The following SLC24A2 variants were observed in gnomAD, a reference collection of about 807,000 sequenced individuals.
The protein encoded by SLC24A2 is sodium/potassium/calcium exchanger 2.
SLC24A2 carries 36 observed loss-of-function variants against 62.0 expected under a neutral mutation model. That is an observed-to-expected ratio of 0.58 (90% CI 0.44 to 0.77). SLC24A2 has a LOEUF of 0.77. Among genes scored for constraint, SLC24A2 ranks in the 30% least tolerant of loss-of-function variants. SLC24A2 has a pLI of 0.00. For missense variants in SLC24A2, 846 were observed against 817.9 expected, an observed-to-expected ratio of 1.03 and a Z score of -0.42; for synonymous variants, 358 against 294.0, an observed-to-expected ratio of 1.22 and a Z score of -2.23.
the SLC24A2 span, among the ~76,000 whole-genome samples, chr9:20,178,211 G>A: frequency 1.3e-5 from 2 of 152,080 alleles, no homozygotes; most frequent in Non-Finnish European, 2.9e-5. Flanking sequence ...AAATCACACT[G>A]GCTTTCCTAA....
chr9:19,753,289 C>T (rs1035229254), intron 2 of SLC24A2, among the ~76,000 whole-genome samples: 1 of 152,224 alleles, frequency 6.6e-6, no homozygotes, highest in Admixed American at 6.5e-5. Context: ...TTCTCAGATT[C>T]CTCAGTCCCA....
At chr9:20,070,706 T>A in the SLC24A2 span, among the ~76,000 whole-genome samples, 1 of 152,160 alleles carries the variant, frequency 6.6e-6, no homozygotes, top group Non-Finnish European at 1.5e-5. Context: ...GAATAGACCC[T>A]CAGAACAAGG....
Position 19,563,785 on chromosome 9 carries a change from T to TCCTTCC in SLC24A2, c.1347+9565_1347+9566insGGAAGG, listed in dbSNP as rs1563968696. Among the ~76,000 whole-genome samples the TCCTTCC allele has an allele frequency of 1.5e-3, 55 of 36,446 alleles. 6 individuals are homozygous for TCCTTCC. The highest frequency in any genetic ancestry group is 7.6e-3 in the East Asian group (4 of 524). The allele number at this position is 36,446 out of a possible 152,430, so 23.9% of individuals were successfully genotyped here. A position where few individuals can be genotyped will look rare whatever the true frequency, so the allele number is the denominator to read the frequency against. ...TTTCATCTGTAACAAAACTGTTGGT[T>TCCTTCC]TTTATAATGACCCTTCCTTCCTTCC... On this transcript the variant is annotated intron_variant, in intron 7 of 10. Transcript: ENST00000341998.
At chr9:20,227,381 T>C in the SLC24A2 span, among the ~76,000 whole-genome samples, 1 of 152,148 alleles carries the variant, frequency 6.6e-6, no homozygotes, top group South Asian at 2.1e-4. Flanking sequence ...ACTTGCATCA[T>C]CTTTGTGGTG....
chr9:19,611,463 G>A (rs114379366), intron 4 of SLC24A2, among the ~76,000 whole-genome samples: 45 of 151,410 alleles, frequency 3.0e-4, no homozygotes, highest in African/African-American at 1.1e-3. Flanking sequence ...GAGGATAGGA[G>A]GAAGAGAGGA....
chr9:19,897,699 C>T, the SLC24A2 span, among the ~76,000 whole-genome samples: 3 of 152,176 alleles, frequency 2.0e-5, no homozygotes, highest in African/African-American at 4.8e-5. Context: ...CCCATTTTAT[C>T]GTCAATAACC....
At chr9:20,229,550 A>G in the SLC24A2 span, among the ~76,000 whole-genome samples, 1 of 152,120 alleles carries the variant, frequency 6.6e-6, no homozygotes, top group Non-Finnish European at 1.5e-5. Context: ...GACACTAAGC[A>G]AGGGCCTGGG....
At chr9:19,569,411 A>C (rs1586977296) in intron 7 of SLC24A2, among the ~76,000 whole-genome samples, 1 of 152,192 alleles carries the variant, frequency 6.6e-6, no homozygotes, top group South Asian at 2.1e-4. Context: ...AACAAATCTG[A>C]CACTGCCACT....
chr9:19,522,228 G>A (rs545366350), intron 9 of SLC24A2, among the ~76,000 whole-genome samples: 67 of 152,012 alleles, frequency 4.4e-4, no homozygotes, highest in African/African-American at 1.5e-3. Flanking sequence ...TTGAACTCTC[G>A]GCCTCGAGAT....
At chr9:19,692,862 T>G (rs1820082675) in intron 2 of SLC24A2, among the ~76,000 whole-genome samples, 1 of 152,160 alleles carries the variant, frequency 6.6e-6, no homozygotes, top group African/African-American at 2.4e-5. Flanking sequence ...TGACCAAACG[T>G]TTACAATTAG....
the SLC24A2 span, among the ~76,000 whole-genome samples, chr9:20,264,207 C>A: frequency 6.6e-6 from 1 of 152,218 alleles, no homozygotes; most frequent in Admixed American, 6.5e-5. Flanking sequence ...AGTTCTGACA[C>A]AACCTCTCTG....
In SLC24A2 at chr9:19,597,282, A is replaced by G; in HGVS notation, c.1079-3T>C. 1 of 1,555,244 alleles carries G rather than the reference A, an allele frequency of 6.4e-7. No individual in the cohort carries two copies. The highest frequency in any genetic ancestry group is 8.9e-7 in the Non-Finnish European group (1 of 1,126,574). ...TAGTTTTCCATATGATCCAAGTTCT[A>G]CAACATCACAGTAAAAGACACAAAG... On this transcript the variant is annotated splice_polypyrimidine_tract_variant and splice_region_variant and intron_variant, in intron 4 of 10. Transcript: ENST00000341998.
chr9:20,054,471 C>A, the SLC24A2 span, among the ~76,000 whole-genome samples: 3 of 152,202 alleles, frequency 2.0e-5, no homozygotes, highest in Admixed American at 6.5e-5. Flanking sequence ...GAATTACAGG[C>A]GTGAGCCACT....
chr9:19,581,660 AT>A (rs1302709797), intron 5 of SLC24A2, among the ~76,000 whole-genome samples: 1 of 152,206 alleles, frequency 6.6e-6, no homozygotes, highest in Non-Finnish European at 1.5e-5. Context: ...AAGAAGATTG[AT>A]ATTTAAAATA....
chr9:19,909,957 G>T, the SLC24A2 span, among the ~76,000 whole-genome samples: 1 of 151,998 alleles, frequency 6.6e-6, no homozygotes, highest in Non-Finnish European at 1.5e-5. Flanking sequence ...TCATGTCAAT[G>T]ATCCTTCCAC....
chr9:19,798,889 A>C, the SLC24A2 span, among the ~76,000 whole-genome samples: 1 of 152,072 alleles, frequency 6.6e-6, no homozygotes, highest in African/African-American at 2.4e-5. Flanking sequence ...AAAAAATGTG[A>C]CTTTTTTCTG....
chr9:19,931,560 G>A, the SLC24A2 span, among the ~76,000 whole-genome samples: 49 of 152,282 alleles, frequency 3.2e-4, 1 homozygote, highest in Middle Eastern at 6.8e-3. Flanking sequence ...AGGAGATGTA[G>A]ACAATAGAAC....
chr9:19,663,592 G>A (rs1276148394), intron 2 of SLC24A2, among the ~76,000 whole-genome samples: 1 of 152,162 alleles, frequency 6.6e-6, no homozygotes, highest in African/African-American at 2.4e-5. Flanking sequence ...ACGTCCTGCA[G>A]GGGGTCAGGC....
chr9:20,283,116 A>G, the SLC24A2 span, among the ~76,000 whole-genome samples: 1 of 152,200 alleles, frequency 6.6e-6, no homozygotes, highest in African/African-American at 2.4e-5. Context: ...TCTGTGCTGG[A>G]TATTACCACT....
Sources: gnomAD v4.1 joint callset for allele counts (sites outside exome capture counted in the v4.1 genomes callset) on GRCh38, gnomAD v4.1.1 for gene constraint, MANE v1.5 for transcripts, NCBI Gene and HGNC (gene_info 2026-07-23, HGNC 2026-07-21) for gene names.